Variants in OBSL1 observed in about 807,000 individuals in gnomAD.
The protein encoded by OBSL1 is obscurin like cytoskeletal adaptor 1, also known as obscurin-like protein 1.
In OBSL1, 160 loss-of-function variants were observed where a neutral mutation model predicts 172.0. The observed-to-expected ratio is 0.93, with a 90% CI of 0.82 to 1.06. OBSL1 has a LOEUF of 1.06. OBSL1 is among the 50% of genes least tolerant of loss of function. The pLI, the probability that OBSL1 is intolerant of heterozygous loss-of-function variation, is 0.00. For synonymous variants in OBSL1, 1,200 were observed against 1,196.3 expected, an observed-to-expected ratio of 1.00 and a Z score of -0.06; for missense variants, 2,681 against 2,715.4, an observed-to-expected ratio of 0.99 and a Z score of 0.28.
downstream of OBSL1, chr2:219,548,045 T>C: frequency 6.3e-7 from 1 of 1,580,278 alleles, no homozygotes; most frequent in Non-Finnish European, 8.6e-7. Flanking sequence ...TCTGGTGCAG[T>C]GGAGGGTGAC....
At chr2:219,555,560 G>A (rs1011144601) in intron 14 of OBSL1, 7 of 887,978 alleles carry the variant, frequency 7.9e-6, no homozygotes, top group Non-Finnish European at 9.5e-6. Context: ...GATTATAGGC[G>A]TGAGCCACTG....
At position 219,556,003 on chromosome 2, in the gene OBSL1, G is replaced by C. The variant is rs2106023488; in HGVS notation, c.4609+17C>G. 1 of 1,612,472 alleles carries C rather than the reference G, an allele frequency of 6.2e-7. No individual in the cohort carries two copies. The highest frequency in any genetic ancestry group is 8.5e-7 in the Non-Finnish European group (1 of 1,179,352). On this transcript the variant is annotated intron_variant, in intron 14 of 20. Coordinates refer to ENST00000404537, the MANE Select transcript of OBSL1 (RefSeq NM_015311.3). The stretch of plus-strand genomic sequence containing the variant: ...GTGTAGGGTGGGTAATGCATTAAGA[G>C]AGGACGGGGCACTCACGCCTCACGC...
At chr2:219,547,543 G>C (rs769453390), downstream of OBSL1, 1 of 1,460,710 alleles carries the variant, frequency 6.8e-7, no homozygotes, top group East Asian at 2.4e-5. Flanking sequence ...TTCTCACTGG[G>C]TTGCTGTTTG....
Position 219,571,116 on chromosome 2 carries a change from C to T in OBSL1, c.117G>A (p.Pro39=). 3 of 1,468,704 alleles carry T rather than the reference C, an allele frequency of 2.0e-6. No homozygotes were observed. The highest frequency in any genetic ancestry group is 2.6e-5 in the South Asian group (2 of 76,154). 91.0% of individuals were successfully genotyped at this position (1,468,704 alleles called of 1,614,324 possible). A position where few individuals can be genotyped will look rare whatever the true frequency, so the allele number is the denominator to read the frequency against. The change falls in exon 1 of 21, where the codon CCG becomes CCA. Residue 39 remains proline (P), a synonymous_variant. Coordinates refer to ENST00000404537, the MANE Select transcript of OBSL1 (RefSeq NM_015311.3). ...CCTTCTCCCACACCACTACAGGCGG[C>T]GGCTCCCCCAGGACCACGCACTTGA... ...AELKCVVLGE[P]PPVVVWEKGG... is the part of the protein sequence containing the mutation.
At position 219,551,406 on chromosome 2, in the gene OBSL1, C is replaced by T. The variant is rs1166432848; in HGVS notation, c.5683+123G>A. On this transcript the variant is annotated intron_variant, in intron 20 of 20. Coordinates refer to ENST00000404537, the MANE Select transcript of OBSL1 (RefSeq NM_015311.3). The stretch of plus-strand genomic sequence containing the variant: ...TACCCCTCCCCTCCCCCATCCCCAC[C>T]TCCTACGTATCCCAGGACCCGTTGC... 2.9e-6 allele frequency: 4 copies of T among 1,374,002 alleles called. No homozygotes were observed. In the African/African-American group the frequency reaches 4.4e-5, roughly 15 times the overall value. 85.1% of individuals were successfully genotyped at this position (1,374,002 alleles called of 1,614,324 possible).
chr2:219,550,589 C>T (rs893379396), downstream of OBSL1: 3 of 556,726 alleles, frequency 5.4e-6, no homozygotes, highest in Admixed American at 9.2e-5. Flanking sequence ...GTGGCCTCTG[C>T]CAGGAATGGT....
intron 19 of OBSL1, 118 bp downstream of exon 19, chr2:219,551,994 C>T (rs1695646287): frequency 1.8e-6 from 2 of 1,119,818 alleles, no homozygotes; most frequent in Non-Finnish European, 2.6e-6. Context: ...CCCAGGAGAG[C>T]CCCTCGGGGG....
rs1695591489 is a variant in OBSL1, at chr2:219,551,268, G to A, written c.5683+261C>T. Reference sequence around the variant, plus strand: ...CAAGAGAGACAAACATGGTCCAGTGGCAGGAGAGAGGAGAAGCCTGGCAAG... The same window carrying A: ...CAAGAGAGACAAACATGGTCCAGTGACAGGAGAGAGGAGAAGCCTGGCAAG... On this transcript the variant is annotated intron_variant, in intron 20 of 20. Transcript: ENST00000404537. 4 of 1,403,156 alleles carry A rather than the reference G, an allele frequency of 2.9e-6. No individual in the cohort carries two copies. In the South Asian group the frequency reaches 5.0e-5, roughly 18 times the overall value. The allele number at this position is 1,403,156 out of a possible 1,614,324, so 86.9% of individuals were successfully genotyped here.
Position 219,562,478 on chromosome 2 carries a change from A to T in OBSL1, c.2877T>A (p.Ala959=). 6.2e-7 allele frequency: 1 copy of T among 1,614,026 alleles called. No homozygotes were observed. Among genetic ancestry groups the T allele is most frequent in the Non-Finnish European group, 8.5e-7 (1 of 1,179,888 alleles). Residue 959 remains alanine (A), a synonymous_variant, in exon 8 of 21, where the codon GCT becomes GCA. Coordinates refer to ENST00000404537, the MANE Select transcript of OBSL1 (RefSeq NM_015311.3). ...ACTCGCCGGAGTCCTCGAGCTGGAC[A>T]GCGGGCAGCACCAGGCGGCGGACAG... ...EDTVRRLVLP[A]VQLEDSGEYL... is the part of the protein sequence containing the mutation.
chr2:219,563,679 C>T, intron 6 of OBSL1, 52 bp from the exon 7 acceptor site: 3 of 1,565,322 alleles, frequency 1.9e-6, no homozygotes, highest in Non-Finnish European at 2.6e-6. Flanking sequence ...ACAATGAGTC[C>T]AAACTAGCTG....
chr2:219,555,844 T>C (rs1301931311), intron 14 of OBSL1, 176 bp downstream of exon 14: 2 of 1,419,372 alleles, frequency 1.4e-6, no homozygotes, highest in East Asian at 5.1e-5. Context: ...CTAAGGTAAA[T>C]AAAAAATATT....
chr2:219,553,644 A>C lies in OBSL1; in HGVS notation c.4919T>G (p.Val1640Gly). ...GAACGTAGCTGTGTCGCCCTCGGTC[A>C]CCTCTAGGTCGTGTGGCCCCCGCAC... is the stretch of plus-strand genomic sequence containing the variant. ...TIVRGPHDLEVTEGDTATFEC... is the reference protein window; with the variant it reads ...TIVRGPHDLEGTEGDTATFEC... Residue 1640 changes from valine (V) to glycine (G), a missense_variant, in exon 16 of 21, where the codon GTG becomes GGG. By Grantham distance (109) the Val-to-Gly change is moderately radical. Coordinates refer to ENST00000404537, the MANE Select transcript of OBSL1 (RefSeq NM_015311.3). 6.2e-7 allele frequency: 1 copy of C among 1,613,662 alleles called. No individual in the cohort carries two copies. Among genetic ancestry groups the C allele is most frequent in the Non-Finnish European group, 8.5e-7 (1 of 1,179,850 alleles).
rs1006614221 is a variant in OBSL1 at position 219,553,423 on chromosome 2, A to G, written c.4989+151T>C. ...ATTACAGTGACAAGACCTACCTCCT[A>G]GAGTTGTCCTTGGAGTAAGGGATTA... On this transcript the variant is annotated intron_variant, in intron 16 of 20. Coordinates refer to ENST00000404537, the MANE Select transcript of OBSL1 (RefSeq NM_015311.3). The G allele has an allele frequency of 2.9e-4, 203 of 689,534 alleles. 2 individuals are homozygous for G. The highest frequency in any genetic ancestry group is 2.1e-4 in the Admixed American group (10 of 47,036). The allele number at this position is 689,534 out of a possible 1,614,324, so 42.7% of individuals were successfully genotyped here.
chr2:219,547,989 G>A, downstream of OBSL1: 1 of 1,586,122 alleles, frequency 6.3e-7, no homozygotes. Flanking sequence ...TGCTGGCGAA[G>A]CTGGGCCCTG....
chr2:219,562,240 C>G (rs926175959), intron 8 of OBSL1, among the ~76,000 whole-genome samples, 162 bp downstream of exon 8: 5 of 152,150 alleles, frequency 3.3e-5, no homozygotes, highest in Admixed American at 2.6e-4. Flanking sequence ...GGGCTTGTTT[C>G]CTTGAATAGG....
chr2:219,556,067 C>G lies in OBSL1; in HGVS notation c.4562G>C (p.Gly1521Ala). 1.2e-6 allele frequency: 2 copies of G among 1,613,794 alleles called. No individual in the cohort carries two copies. The highest frequency in any genetic ancestry group is 1.7e-6 in the Non-Finnish European group (2 of 1,179,904). ...GVILADQGTY[G>A]CESHHDRTLA... ...GGTGCGATCGTGGTGGCTCTCGCAG[C>G]CGTAGGTGCCCTGGTCGGCCAGTAT... The change falls in exon 14 of 21, where the codon GGC becomes GCC. Residue 1521 changes from glycine (G) to alanine (A), a missense_variant. Physicochemically the swap from Gly to Ala is moderately conservative, Grantham distance 60. This residue lies in a region of OBSL1 where 1,765 missense variants were observed against 1,748.3 expected (regional missense o/e 1.01). Coordinates refer to ENST00000404537, the MANE Select transcript of OBSL1 (RefSeq NM_015311.3).
Position 219,565,507 on chromosome 2 carries a change from C to G in OBSL1, c.2142G>C (p.Pro714=). ...DSAALTIQES[P]VHILSPQDRV... The stretch of plus-strand genomic sequence containing the variant: ...TGTCCTGGGGGCTCAGGATGTGCAC[C>G]GGGCTCTCTGTGTGGGGAGAAGTAC... The change falls in exon 6 of 21, where the codon CCG becomes CCC. Residue 714 remains proline, a synonymous_variant. Transcript: ENST00000404537. 3.7e-6 allele frequency: 6 copies of G among 1,606,558 alleles called. No homozygotes were observed. The highest frequency in any genetic ancestry group is 5.1e-6 in the Non-Finnish European group (6 of 1,179,492).
intron 20 of OBSL1, chr2:219,551,132 T>TGAGATGGGCAGAGGC: frequency 7.2e-7 from 1 of 1,398,572 alleles, no homozygotes; most frequent in Non-Finnish European, 9.3e-7. Context: ...TGGAACTTGC[T>TGAGATGGGCAGAGGC]GAGATGGGCA....
intron 17 of OBSL1, 78 bp from the exon 18 acceptor site, chr2:219,552,775 A>G: frequency 2.0e-6 from 3 of 1,515,600 alleles, no homozygotes; most frequent in South Asian, 1.2e-5. Context: ...CCCCCTTTCT[A>G]GAAGCACGCG....
Sources: allele counts gnomAD v4.1 joint callset (sites outside exome capture counted in the v4.1 genomes callset), GRCh38; gene constraint gnomAD v4.1.1; regional missense constraint gnomAD v4.1.1; transcripts MANE v1.5; gene names NCBI Gene and HGNC (gene_info 2026-07-23, HGNC 2026-07-21).